GABRG3: variants seen among roughly 807,000 people sequenced by gnomAD.
GABRG3 encodes the protein gamma-aminobutyric acid type A receptor subunit gamma3.
A neutral mutation model predicts 48.8 loss-of-function variants in GABRG3; 25 were observed. The ratio of observed to expected loss-of-function variants is 0.51; its 90% confidence interval spans 0.37 to 0.72. The LOEUF is 0.72. GABRG3 is among the 30% of genes least tolerant of loss of function. The pLI, the probability that GABRG3 is intolerant of heterozygous loss-of-function variation, is 0.00. For missense variants in GABRG3, 394 were observed against 577.9 expected, an observed-to-expected ratio of 0.68 and a Z score of 3.26; for synonymous variants, 227 against 217.6, an observed-to-expected ratio of 1.04 and a Z score of -0.38.
At position 27,527,619 on chromosome 15, in the gene GABRG3, A is replaced by C. The variant is rs1891311605; in HGVS notation, c.1052A>C (p.Lys351Thr). ...TGTAGAAAACCAACCACCACGAAGA[A>C]GACAACATCGGTGAGCTGCAGTAGC... ...SSCRKPTTTKKTTSLLHPDSS... is the reference protein window; with the variant it reads ...SSCRKPTTTKTTTSLLHPDSS... Residue 351 changes from lysine (K) to threonine (T), a missense_variant, in exon 8 of 10, where the codon AAG becomes ACG. Physicochemically the swap from Lys to Thr is moderately conservative, Grantham distance 78. Transcript: ENST00000615808. 3 of 1,608,834 alleles carry C rather than the reference A, an allele frequency of 1.9e-6. No homozygotes were observed. The highest frequency in any genetic ancestry group is 2.7e-5 in the African/African-American group (2 of 74,858).
intron 2 of GABRG3, among the ~76,000 whole-genome samples, chr15:26,977,676 T>TA (rs1216162817): frequency 6.6e-6 from 1 of 152,212 alleles, no homozygotes; most frequent in Non-Finnish European, 1.5e-5. Flanking sequence ...TACTGCTGAA[T>TA]GGTTGTTCAT....
chr15:27,098,271 T>A (rs1474216234), intron 3 of GABRG3, among the ~76,000 whole-genome samples: 1 of 151,958 alleles, frequency 6.6e-6, no homozygotes, highest in African/African-American at 2.4e-5. Flanking sequence ...CCATCTCTAC[T>A]AAAAACACAA....
At chr15:27,033,625 A>G (rs987359988) in intron 3 of GABRG3, among the ~76,000 whole-genome samples, 1 of 152,150 alleles carries the variant, frequency 6.6e-6, no homozygotes, top group African/African-American at 2.4e-5. Context: ...GATACGAATT[A>G]TGTATTTCTT....
intron 3 of GABRG3, among the ~76,000 whole-genome samples, chr15:27,210,765 C>A (rs551098365): frequency 6.6e-6 from 1 of 152,204 alleles, no homozygotes; most frequent in Non-Finnish European, 1.5e-5. Context: ...AAGATTCGAG[C>A]AGGCCCCTTT....
intron 5 of GABRG3, among the ~76,000 whole-genome samples, chr15:27,381,151 C>T (rs1257877368): frequency 6.6e-6 from 1 of 152,106 alleles, no homozygotes; most frequent in East Asian, 1.9e-4. Context: ...CATTGTTGCC[C>T]CCATCTTTAA....
At chr15:27,140,446 A>G (rs1303641987) in intron 3 of GABRG3, among the ~76,000 whole-genome samples, 7 of 152,186 alleles carry the variant, frequency 4.6e-5, no homozygotes, top group Admixed American at 3.3e-4. Flanking sequence ...ATCAAAAGAA[A>G]TTTGAGTTTG....
intron 3 of GABRG3, among the ~76,000 whole-genome samples, chr15:27,079,661 C>T (rs944364851): frequency 6.6e-6 from 1 of 152,074 alleles, no homozygotes; most frequent in Non-Finnish European, 1.5e-5. Flanking sequence ...CCAGTGAGAC[C>T]CAGCCTCGGG....
intron 3 of GABRG3, among the ~76,000 whole-genome samples, chr15:27,208,843 G>A (rs926561055): frequency 2.0e-5 from 3 of 152,164 alleles, no homozygotes; most frequent in Non-Finnish European, 4.4e-5. Flanking sequence ...TGTCATATAC[G>A]GATTCTATGC....
chr15:27,006,241 G>A (rs542457869), intron 2 of GABRG3, among the ~76,000 whole-genome samples: 5 of 151,604 alleles, frequency 3.3e-5, no homozygotes, highest in Admixed American at 6.6e-5. Context: ...TCGCTTTGTC[G>A]TCTGGGTTGG....
intron 3 of GABRG3, among the ~76,000 whole-genome samples, chr15:27,247,811 A>G (rs1425345146): frequency 2.6e-5 from 4 of 152,188 alleles, no homozygotes; most frequent in Non-Finnish European, 5.9e-5. Context: ...TTATCAAACC[A>G]TCAGATCTCA....
At chr15:27,309,631 C>T (rs1211759725) in intron 3 of GABRG3, among the ~76,000 whole-genome samples, 1 of 151,946 alleles carries the variant, frequency 6.6e-6, no homozygotes, top group African/African-American at 2.4e-5. Context: ...GTGCTAAACA[C>T]CTATTTTAAC....
intron 3 of GABRG3, among the ~76,000 whole-genome samples, chr15:27,267,779 T>C (rs1340639424): frequency 6.6e-6 from 1 of 152,248 alleles, no homozygotes; most frequent in African/African-American, 2.4e-5. Context: ...CATCTATTGA[T>C]ATGATTATAT....
intron 3 of GABRG3, among the ~76,000 whole-genome samples, chr15:27,229,457 G>T (rs2376836): frequency 0.09 from 9,447 of 104,592 alleles, 563 homozygotes; most frequent in African/African-American, 0.26. Context: ...GGTTTTTTGT[G>T]TGTGTGTGTG....
chr15:27,491,039 C>T (rs1890341229), intron 6 of GABRG3, among the ~76,000 whole-genome samples: 1 of 152,222 alleles, frequency 6.6e-6, no homozygotes, highest in Non-Finnish European at 1.5e-5. Flanking sequence ...CTCCATTTAT[C>T]AGAACACCAC....
intron 3 of GABRG3, among the ~76,000 whole-genome samples, chr15:27,259,501 G>A (rs1379007536): frequency 6.6e-6 from 1 of 152,188 alleles, no homozygotes; most frequent in Non-Finnish European, 1.5e-5. Flanking sequence ...CCTTGAGAAT[G>A]TGTCTACTTG....
intron 5 of GABRG3, among the ~76,000 whole-genome samples, chr15:27,386,448 C>A (rs1255096666): frequency 6.6e-6 from 1 of 151,962 alleles, no homozygotes; most frequent in Non-Finnish European, 1.5e-5. Context: ...TCTTACTTTC[C>A]CCACTGATAT....
chr15:27,216,750 T>TATTCATTTATTTA (rs58685578), intron 3 of GABRG3, among the ~76,000 whole-genome samples: 1 of 125,860 alleles, frequency 7.9e-6, no homozygotes, highest in South Asian at 2.8e-4. Flanking sequence ...TTTTTTTATT[T>TATTCATTTATTTA]TTTATTTATT....
chr15:27,220,723 C>T (rs1330231381), intron 3 of GABRG3, among the ~76,000 whole-genome samples: 1 of 152,114 alleles, frequency 6.6e-6, no homozygotes, highest in Non-Finnish European at 1.5e-5. Context: ...TGTCTTCTTG[C>T]CTATTGGGTT....
rs891760197 is a variant in GABRG3, at chr15:27,179,380, G to A, written c.271-147429G>A. The stretch of plus-strand genomic sequence containing the variant: ...ATTAGCCACATTCAAAATAAGGTAC[G>A]TTGTGCTTTTTCCATTTTTGTTGAT... On this transcript the variant is annotated intron_variant, in intron 3 of 9. Coordinates refer to ENST00000615808, the MANE Select transcript of GABRG3 (RefSeq NM_033223.5). This position sits in a 1 kb window ranked among gnomAD's most constrained non-coding sequence, Gnocchi z 4.0. Among the ~76,000 whole-genome samples, 5 of 152,182 alleles carry A rather than the reference G, an allele frequency of 3.3e-5. No individual in the cohort carries two copies. The highest frequency in any genetic ancestry group is 2.1e-4 in the South Asian group (1 of 4,826).
Sources: gnomAD v4.1 joint callset for allele counts (sites outside exome capture counted in the v4.1 genomes callset) on GRCh38, gnomAD v4.1.1 for gene constraint, Gnocchi (gnomAD v3.1) non-coding constraint, MANE v1.5 for transcripts, NCBI Gene and HGNC (gene_info 2026-07-23, HGNC 2026-07-21) for gene names.